Variants in ST6GAL1 observed in about 807,000 individuals in gnomAD.
The protein encoded by ST6GAL1 is beta-galactoside alpha-2,6-sialyltransferase 1.
Under a neutral mutation model 38.0 loss-of-function variants are expected in ST6GAL1, and 20 were observed. The ratio of observed to expected loss-of-function variants is 0.53; its 90% CI spans 0.37 to 0.77. The LOEUF (loss-of-function observed/expected upper bound fraction) is 0.77. Ranked by LOEUF, ST6GAL1 falls within the 30% of genes least tolerant of loss-of-function variation. ST6GAL1 has a pLI of 0.00. For synonymous variants in ST6GAL1, 196 were observed against 188.2 expected (o/e 1.04, Z -0.34); for missense variants, 432 against 496.4 (o/e 0.87, Z 1.23).
intron 5 of ST6GAL1, among the ~76,000 whole-genome samples, chr3:187,057,358 C>G (rs1026086625): frequency 2.6e-5 from 4 of 152,214 alleles, no homozygotes; most frequent in Non-Finnish European, 4.4e-5. Context: ...TGGCGAGGAG[C>G]TGCGATCCTT....
intron 2 of ST6GAL1, among the ~76,000 whole-genome samples, chr3:186,972,350 GTGAT>G (rs1579283852): frequency 2.0e-5 from 3 of 152,036 alleles, no homozygotes; most frequent in African/African-American, 7.3e-5. Context: ...CCGGGTTCAA[GTGAT>G]TCTCATGTCT....
intron 1 of ST6GAL1, among the ~76,000 whole-genome samples, chr3:186,947,573 ATT>A (rs1714419544): frequency 6.6e-6 from 1 of 152,130 alleles, no homozygotes; most frequent in Non-Finnish European, 1.5e-5. Context: ...ATTTATTATT[ATT>A]TACATTTACC....
chr3:186,979,301 T>C (rs189571462), intron 2 of ST6GAL1, among the ~76,000 whole-genome samples: 4 of 152,268 alleles, frequency 2.6e-5, no homozygotes, highest in Admixed American at 6.5e-5. Flanking sequence ...CTATGCACTC[T>C]GCCTGGAGCA....
rs897503422 is a variant in ST6GAL1, at chr3:186,977,437, C to T, written c.-183+13511C>T. On this transcript the variant is annotated intron_variant, in intron 2 of 7. Transcript: ENST00000169298. Reference sequence around the variant, plus strand: ...ATTTTAGACTGTTGGCCAGAGTTTGCGGAAGAAGGCCTGTATTATTAATGC... The same window carrying T: ...ATTTTAGACTGTTGGCCAGAGTTTGTGGAAGAAGGCCTGTATTATTAATGC... 3.9e-5 allele frequency among the ~76,000 whole-genome samples: 6 copies of T among 152,264 alleles called. No homozygotes were observed. The East Asian group carries it at 7.7e-4, about 20-fold the overall frequency.
At chr3:186,965,671 G>T (rs1344000089) in intron 2 of ST6GAL1, among the ~76,000 whole-genome samples, 1 of 152,216 alleles carries the variant, frequency 6.6e-6, no homozygotes, top group Non-Finnish European at 1.5e-5. Flanking sequence ...AGCTCAGGTG[G>T]AGGGGTGGAG....
chr3:186,954,739 G>A lies in ST6GAL1; in HGVS notation c.-324-9046G>A, dbSNP rs112115536. ...TCTGGATATTAGAGCTTTGTCAAAT[G>A]GATAGATTAGATTGCAAAAATTTTC... On this transcript the variant is annotated intron_variant, in intron 1 of 7. Coordinates refer to ENST00000169298, the MANE Select transcript of ST6GAL1 (RefSeq NM_173216.2). Among the ~76,000 whole-genome samples, 29 of 152,044 alleles carry A rather than the reference G, an allele frequency of 1.9e-4. 1 individual carries two copies. The highest frequency in any genetic ancestry group is 6.3e-4 in the African/African-American group (26 of 41,486).
chr3:187,060,561 T>TA (rs1718879105), intron 5 of ST6GAL1, among the ~76,000 whole-genome samples: 1 of 152,192 alleles, frequency 6.6e-6, no homozygotes, highest in Admixed American at 6.5e-5. Context: ...GACACATAGT[T>TA]AGGAAGGTCT....
At chr3:186,984,554 C>G (rs1332467221) in intron 2 of ST6GAL1, among the ~76,000 whole-genome samples, 1 of 152,116 alleles carries the variant, frequency 6.6e-6, no homozygotes, top group Non-Finnish European at 1.5e-5. Flanking sequence ...CTGCCTTGAG[C>G]CTTGCCGCAA....
At chr3:187,074,851 A>G (rs11917979) in intron 7 of ST6GAL1, among the ~76,000 whole-genome samples, 7,797 of 152,246 alleles carry the variant, frequency 0.051, 380 homozygotes, top group African/African-American at 0.12. Flanking sequence ...GATAAATAAT[A>G]TTTCACTACA....
intron 3 of ST6GAL1, among the ~76,000 whole-genome samples, chr3:187,040,017 C>T (rs910569889): frequency 5.3e-5 from 8 of 152,252 alleles, no homozygotes; most frequent in Non-Finnish European, 1.2e-4. Flanking sequence ...TACTGGGCAG[C>T]TGCTGCCTGA....
chr3:186,978,850 T>A (rs180819213), intron 2 of ST6GAL1, among the ~76,000 whole-genome samples: 5 of 151,994 alleles, frequency 3.3e-5, no homozygotes, highest in African/African-American at 9.6e-5. Context: ...CTGAACACAA[T>A]GGGCCACTTT....
intron 5 of ST6GAL1, among the ~76,000 whole-genome samples, chr3:187,056,389 C>T (rs1337563624): frequency 6.6e-6 from 1 of 152,144 alleles, no homozygotes; most frequent in East Asian, 1.9e-4. Context: ...GTAGTTTATT[C>T]CTAGCATTGA....
intron 1 of ST6GAL1, among the ~76,000 whole-genome samples, chr3:186,957,420 G>A (rs1714782860): frequency 6.6e-6 from 1 of 152,216 alleles, no homozygotes; most frequent in South Asian, 2.1e-4. Flanking sequence ...TCCAGCCTGG[G>A]CAACAGAGTG....
chr3:187,075,425 G>T lies in ST6GAL1; in HGVS notation c.980-137G>T, dbSNP rs568287003. The T allele has an allele frequency of 7.8e-5, 104 of 1,325,832 alleles. 1 individual carries two copies. The South Asian group carries it at 1.3e-3, about 17-fold the overall frequency. 82.1% of individuals were successfully genotyped at this position (1,325,832 alleles called of 1,614,324 possible). On this transcript the variant is annotated intron_variant, in intron 7 of 7. Transcript: ENST00000169298. This position sits in a 1 kb window ranked among gnomAD's most constrained non-coding sequence, Gnocchi z 4.1. ...CTTGGCTTGCTGAAACTTAGATTGG[G>T]AATCACAGTCATAAATAGAAACTCC...
chr3:187,056,794 C>T (rs1202149481), intron 5 of ST6GAL1, among the ~76,000 whole-genome samples: 1 of 152,108 alleles, frequency 6.6e-6, no homozygotes, highest in Non-Finnish European at 1.5e-5. Flanking sequence ...GGTTGCTCTT[C>T]TCGAGGAGTA....
intron 1 of ST6GAL1, among the ~76,000 whole-genome samples, chr3:186,959,573 A>G (rs186449413): frequency 3.3e-4 from 51 of 152,356 alleles, no homozygotes; most frequent in Middle Eastern, 6.8e-3. Context: ...TATTAGGTCT[A>G]GGACAGGAGC....
At chr3:187,026,870 C>A (rs1046127358) in intron 2 of ST6GAL1, among the ~76,000 whole-genome samples, 6 of 151,992 alleles carry the variant, frequency 3.9e-5, no homozygotes, top group Admixed American at 1.3e-4. Context: ...ACGGTGAAAC[C>A]CCATCTCTAC....
intron 2 of ST6GAL1, among the ~76,000 whole-genome samples, chr3:186,980,603 C>CAAAAAAAA (rs34503745): frequency 8.7e-5 from 8 of 92,162 alleles, no homozygotes; most frequent in Non-Finnish European, 1.2e-4. Context: ...ACTAAAATTA[C>CAAAAAAAA]AAAAAAAAAA....
At chr3:186,965,199 C>T (rs1460514191) in intron 2 of ST6GAL1, among the ~76,000 whole-genome samples, 2 of 152,112 alleles carry the variant, frequency 1.3e-5, no homozygotes, top group Admixed American at 6.5e-5. Context: ...ACATTTCCTT[C>T]CCGGAAAAGT....
Sources: gnomAD v4.1 joint callset for allele counts (sites outside exome capture counted in the v4.1 genomes callset) on GRCh38, gnomAD v4.1.1 for gene constraint, Gnocchi (gnomAD v3.1) non-coding constraint, MANE v1.5 for transcripts, NCBI Gene and HGNC (gene_info 2026-07-23, HGNC 2026-07-21) for gene names.